The following CASP9 variants were observed in gnomAD, a reference collection of about 807,000 sequenced individuals.
The protein encoded by CASP9 is caspase-9.
A neutral mutation model predicts 43.5 loss-of-function variants in CASP9; 29 were observed. The ratio of observed to expected loss-of-function variants is 0.67; its 90% CI spans 0.50 to 0.91. The LOEUF (loss-of-function observed/expected upper bound fraction) is 0.91. Ranked by LOEUF, CASP9 falls within the 40% of genes least tolerant of loss-of-function variation. The probability of loss-of-function intolerance (pLI) is 0.00; values close to 1 mark genes in which losing one functional copy is unlikely to be tolerated. For synonymous variants in CASP9, 206 were observed against 211.9 expected (o/e 0.97, Z 0.24); for missense variants, 575 against 537.4 (o/e 1.07, Z -0.69).
intron 1 of CASP9, among the ~76,000 whole-genome samples, chr1:15,518,624 AG>A (rs373604144): frequency 1.7e-4 from 26 of 152,388 alleles, no homozygotes; most frequent in East Asian, 7.7e-4. Flanking sequence ...TGCCATGGAC[AG>A]TCTCAGTCCT....
intron 6 of CASP9, among the ~76,000 whole-genome samples, chr1:15,497,960 T>C (rs931392692): frequency 6.6e-6 from 1 of 152,254 alleles, no homozygotes; most frequent in Non-Finnish European, 1.5e-5. Context: ...TAGGTCAATG[T>C]CATTGAATAG....
At chr1:15,523,626 ATAAAACT>A (rs1710303663) in intron 1 of CASP9, among the ~76,000 whole-genome samples, 1 of 152,214 alleles carries the variant, frequency 6.6e-6, no homozygotes, top group Non-Finnish European at 1.5e-5. Context: ...TTAGAGAGAA[ATAAAACT>A]TAAGACCAGC....
chr1:15,509,168 C>A (rs1709637775), intron 2 of CASP9, among the ~76,000 whole-genome samples: 1 of 152,196 alleles, frequency 6.6e-6, no homozygotes, highest in African/African-American at 2.4e-5. Flanking sequence ...CTGCAGCAGA[C>A]AGAGCTCTTC....
At chr1:15,505,578 A>T (rs1557542404) in intron 5 of CASP9, among the ~76,000 whole-genome samples, 1 of 152,226 alleles carries the variant, frequency 6.6e-6, no homozygotes. Flanking sequence ...AATCACAGTG[A>T]CAAATACGTA....
intron 6 of CASP9, among the ~76,000 whole-genome samples, chr1:15,503,994 G>T (rs1009196648): frequency 6.6e-6 from 1 of 152,056 alleles, no homozygotes; most frequent in African/African-American, 2.4e-5. Flanking sequence ...AAACTACAAA[G>T]AATCCAAGTA....
intron 6 of CASP9, among the ~76,000 whole-genome samples, chr1:15,497,066 T>G (rs1261448778): frequency 1.3e-5 from 2 of 151,734 alleles, no homozygotes; most frequent in African/African-American, 2.4e-5. Flanking sequence ...TCCCAGCACT[T>G]TGGGAGGCCA....
intron 5 of CASP9, 150 bp downstream of exon 5, chr1:15,505,839 CA>C: frequency 3.0e-6 from 2 of 676,598 alleles, no homozygotes; most frequent in Non-Finnish European, 2.6e-6. Flanking sequence ...ACATGGCTCC[CA>C]AGAAAACAAC....
rs1462944694 is a variant in CASP9, at chr1:15,493,032, C to T, written c.1162G>A (p.Ala388Thr). The T allele has an allele frequency of 2.5e-6, 4 of 1,613,964 alleles. No homozygotes were observed. In the South Asian group the frequency reaches 4.4e-5, roughly 18 times the overall value. ...EDLQSLLLRVANAVSVKGIYK... is the reference protein window; with the variant it reads ...EDLQSLLLRVTNAVSVKGIYK... ...ATCCCTTTCACCGAAACAGCATTAG[C>T]GACCTGTAAGACATGACCATGGAGA... Residue 388 changes from alanine (A) to threonine (T), a missense_variant, in exon 9 of 9, where the codon GCT becomes ACT. Transcript: ENST00000333868.
Position 15,515,346 on chromosome 1 carries a change from G to A in CASP9, c.418+2764C>T, listed in dbSNP as rs112779280. Among the ~76,000 whole-genome samples, 14 of 151,472 alleles carry A rather than the reference G, an allele frequency of 9.2e-5. 1 individual carries two copies. The highest frequency in any genetic ancestry group is 3.4e-4 in the African/African-American group (14 of 41,488). On this transcript the variant is annotated intron_variant, in intron 2 of 8. Coordinates refer to ENST00000333868, the MANE Select transcript of CASP9 (RefSeq NM_001229.5). ...CATGTTTGTCTGTTTCTCTGCTTTA[G>A]TGGATTGCCCAAAAATCACCATTAT...
At chr1:15,502,021 A>T (rs1430335211) in intron 6 of CASP9, among the ~76,000 whole-genome samples, 1 of 152,190 alleles carries the variant, frequency 6.6e-6, no homozygotes, top group Non-Finnish European at 1.5e-5. Flanking sequence ...AACTGTTGGG[A>T]TTACAGGCGT....
At chr1:15,509,242 G>A (rs949304893) in intron 2 of CASP9, among the ~76,000 whole-genome samples, 4 of 152,044 alleles carry the variant, frequency 2.6e-5, no homozygotes, top group African/African-American at 9.7e-5. Context: ...CTAGTCTTCC[G>A]TGGCTGTGAA....
chr1:15,505,980 G>A lies in CASP9; in HGVS notation c.720+10C>T. ...AATGCCTGCCCAGGGAACAGTGGGA[G>A]GCTTCCTACCTGACAGCCGTGAGAG... is the stretch of plus-strand genomic sequence containing the variant. On this transcript the variant is annotated intron_variant, in intron 5 of 8. Transcript: ENST00000333868. 2 of 1,610,762 alleles carry A rather than the reference G, an allele frequency of 1.2e-6. No homozygotes were observed. Among genetic ancestry groups the A allele is most frequent in the Non-Finnish European group, 1.7e-6 (2 of 1,176,880 alleles).
rs1210542976 is a variant in CASP9 at position 15,493,897 on chromosome 1, G to C, written c.1153C>G (p.Leu385Val). 1.0e-5 allele frequency: 16 copies of C among 1,593,070 alleles called. No individual in the cohort carries two copies. The highest frequency in any genetic ancestry group is 1.4e-5 in the Non-Finnish European group (16 of 1,168,706). Residue 385 changes from leucine (L) to valine (V), a missense_variant, in exon 8 of 9, where the codon CTT becomes GTT. By Grantham distance (32) the Leu-to-Val change is conservative. Coordinates refer to ENST00000333868, the MANE Select transcript of CASP9 (RefSeq NM_001229.5). Reference sequence around the variant, plus strand: ...CAGAGGAAGGCAGCACTCACCCTAAGCAGGAGGGACTGCAGGTCTTCAGAG... The same window carrying C: ...CAGAGGAAGGCAGCACTCACCCTAACCAGGAGGGACTGCAGGTCTTCAGAG... ...AHSEDLQSLL[L>V]RVANAVSVKG...
At position 15,518,212 on chromosome 1, in the gene CASP9, G is replaced by C. The variant is rs2308938; in HGVS notation, c.316C>G (p.Leu106Val). 3.4e-4 allele frequency: 553 copies of C among 1,614,176 alleles called. 10 individuals are homozygous for C. In the Admixed American group the frequency reaches 9.1e-3, roughly 27 times the overall value. The change falls in exon 2 of 9, where the codon CTT becomes GTT. Residue 106 changes from leucine to valine, a missense_variant. Transcript: ENST00000333868. The stretch of plus-strand genomic sequence containing the variant: ...TCTGGTCTGAGCACCACTGGGGTAA[G>C]GTTTTCTAGGGTTGGCTTCGACAAC... ...AKLSKPTLEN[L>V]TPVVLRPEIR...
At chr1:15,521,131 T>C (rs1570877548) in intron 1 of CASP9, among the ~76,000 whole-genome samples, 1 of 128,792 alleles carries the variant, frequency 7.8e-6, no homozygotes. Context: ...CACTCCAGCC[T>C]GGGCGACAGA....
At chr1:15,493,298 C>T (rs1310643921) in intron 8 of CASP9, 1 of 1,342,616 alleles carries the variant, frequency 7.4e-7, no homozygotes, top group African/African-American at 1.5e-5. Context: ...CCTCGCAGCC[C>T]CTTCTCGTGG....
rs577801488 is a variant in CASP9, at chr1:15,493,588, A to T, written c.1158+304T>A. 72 of 1,432,918 alleles carry T rather than the reference A, an allele frequency of 5.0e-5. No homozygotes were observed. In the South Asian group the frequency reaches 9.7e-4, roughly 19 times the overall value. 88.8% of individuals were successfully genotyped at this position (1,432,918 alleles called of 1,614,324 possible). A position where few individuals can be genotyped will look rare whatever the true frequency, so the allele number is the denominator to read the frequency against. ...CCCATGACCCGCCTTCAGGGTCTGG[A>T]CAGAGCCATCCTGCGCTGGCACTGA... On this transcript the variant is annotated intron_variant, in intron 8 of 8. Coordinates refer to ENST00000333868, the MANE Select transcript of CASP9 (RefSeq NM_001229.5).
chr1:15,523,360 G>T (rs4233538), intron 1 of CASP9, among the ~76,000 whole-genome samples: 46,702 of 152,138 alleles, frequency 0.31, 7,573 homozygotes, highest in East Asian at 0.58. Flanking sequence ...GTGGCTCAAA[G>T]AGGGTAAGTG....
chr1:15,496,058 T>C (rs962876543), intron 6 of CASP9, among the ~76,000 whole-genome samples: 6 of 152,214 alleles, frequency 3.9e-5, no homozygotes, highest in Non-Finnish European at 7.3e-5. Flanking sequence ...GAGAAAGGCA[T>C]AGACCTGTCT....
Sources: allele counts gnomAD v4.1 joint callset (sites outside exome capture counted in the v4.1 genomes callset), GRCh38; gene constraint gnomAD v4.1.1; transcripts MANE v1.5; gene names NCBI Gene and HGNC (gene_info 2026-07-23, HGNC 2026-07-21).